The following TTC7B variants were observed in gnomAD, a reference collection of about 807,000 sequenced individuals.
The protein encoded by TTC7B is tetratricopeptide repeat protein 7B.
TTC7B carries 28 observed loss-of-function variants against 106.8 expected under a neutral mutation model. The ratio of observed to expected loss-of-function variants is 0.26; its 90% confidence interval spans 0.19 to 0.36. TTC7B has a LOEUF of 0.36. TTC7B is among the 10% of genes least tolerant of loss of function. TTC7B has a pLI of 1.00. For synonymous variants in TTC7B, 405 were observed against 430.6 expected, an observed-to-expected ratio of 0.94 and a Z score of 0.74; for missense variants, 862 against 1,076.4, an observed-to-expected ratio of 0.80 and a Z score of 2.79.
chr14:90,606,053 A>T (rs553257666), intron 17 of TTC7B, among the ~76,000 whole-genome samples: 3 of 152,372 alleles, frequency 2.0e-5, no homozygotes, highest in African/African-American at 7.2e-5. Context: ...ATACATCTTT[A>T]GCCTACAATA....
chr14:90,610,963 C>T, intron 16 of TTC7B, 124 bp from the exon 17 acceptor site: 1 of 736,622 alleles, frequency 1.4e-6, no homozygotes, highest in Non-Finnish European at 2.4e-6. Flanking sequence ...CGTTCTTCAG[C>T]ATCTTTCTTA....
At chr14:90,716,181 A>T (rs1437381324) in intron 5 of TTC7B, among the ~76,000 whole-genome samples, 1 of 152,190 alleles carries the variant, frequency 6.6e-6, no homozygotes, top group African/African-American at 2.4e-5. Flanking sequence ...CAGTGGGTGG[A>T]AAATCACTAA....
In TTC7B at chr14:90,763,979, A is replaced by C. The variant is rs1478266558; in HGVS notation, c.445+16759T>G. Among the ~76,000 whole-genome samples, 9 of 152,166 alleles carry C rather than the reference A, an allele frequency of 5.9e-5. No homozygotes were observed. In the East Asian group the frequency reaches 1.7e-3, roughly 29 times the overall value. ...TTACACTAATTTACAACCTGACCCTAAAATTTATATGAAATGTAAGCCAAA... is the reference window on the plus strand; with the variant it reads ...TTACACTAATTTACAACCTGACCCTCAAATTTATATGAAATGTAAGCCAAA... On this transcript the variant is annotated intron_variant, in intron 3 of 19. Transcript: ENST00000328459.
Position 90,638,275 on chromosome 14 carries a change from G to T in TTC7B, c.1751+5773C>A, listed in dbSNP as rs74081259. ...TACAGTAAGACAAGTTAAAAAAATG[G>T]AAAGATTAGAGAAAAAGAAACAATT... On this transcript the variant is annotated intron_variant, in intron 15 of 19. Coordinates refer to ENST00000328459, the MANE Select transcript of TTC7B (RefSeq NM_001010854.2). 4.0e-3 allele frequency among the ~76,000 whole-genome samples: 603 copies of T among 152,172 alleles called. 4 individuals are homozygous for T. Among genetic ancestry groups the T allele is most frequent in the African/African-American group, 0.014 (582 of 41,532 alleles).
intron 13 of TTC7B, among the ~76,000 whole-genome samples, chr14:90,647,749 T>C (rs756942353): frequency 9.9e-5 from 15 of 152,170 alleles, no homozygotes; most frequent in Non-Finnish European, 2.1e-4. Flanking sequence ...AAGTCATTTG[T>C]ATTTCAGCAT....
chr14:90,795,337 G>A (rs1221558125), intron 1 of TTC7B, among the ~76,000 whole-genome samples: 4 of 152,228 alleles, frequency 2.6e-5, no homozygotes, highest in African/African-American at 9.6e-5. Flanking sequence ...GAGCTTCCAG[G>A]TGCAACACAG....
Position 90,577,901 on chromosome 14 carries a change from T to A in TTC7B, c.2310+205A>T, listed in dbSNP as rs184574452. Among the ~76,000 whole-genome samples, 18 of 152,332 alleles carry A rather than the reference T, an allele frequency of 1.2e-4. 1 individual carries two copies. The East Asian group carries it at 2.9e-3, about 25-fold the overall frequency. Reference sequence around the variant, plus strand: ...GGATGTCGGGTAGGGCTGCTGAGGCTATACACAGCCAACTCTGGGGGTGCC... The same window carrying A: ...GGATGTCGGGTAGGGCTGCTGAGGCAATACACAGCCAACTCTGGGGGTGCC... On this transcript the variant is annotated intron_variant, in intron 19 of 19. Transcript: ENST00000328459. This position sits in a 1 kb window ranked among gnomAD's most constrained non-coding sequence, Gnocchi z 5.0.
At chr14:90,680,577 A>G in intron 7 of TTC7B, 42 bp from the exon 8 acceptor site, 1 of 1,441,220 alleles carries the variant, frequency 6.9e-7, no homozygotes, top group Non-Finnish European at 9.8e-7. Context: ...TGGCAGTTTC[A>G]AAATATACAA....
chr14:90,578,162 A>G lies in TTC7B; in HGVS notation c.2254T>C (p.Trp752Arg). 1.2e-6 allele frequency: 2 copies of G among 1,613,264 alleles called. No homozygotes were observed. Among genetic ancestry groups the G allele is most frequent in the Non-Finnish European group, 1.7e-6 (2 of 1,179,762 alleles). ...CTGATGGCTAAGGCCTCTTCATACC[A>G]CCGCCGCGCCTCGTCCATGCTTCCC... ...LRGSMDEARR[W>R]YEEALAISPT... The change falls in exon 19 of 20, where the codon TGG becomes CGG. Residue 752 changes from tryptophan (W) to arginine (R), a missense_variant. Coordinates refer to ENST00000328459, the MANE Select transcript of TTC7B (RefSeq NM_001010854.2). This position sits in a 1 kb window ranked among gnomAD's most constrained non-coding sequence, Gnocchi z 4.7.
Position 90,578,006 on chromosome 14 carries a change from T to A in TTC7B, c.2310+100A>T. 1 of 1,411,596 alleles carries A rather than the reference T, an allele frequency of 7.1e-7. No individual in the cohort carries two copies. Among genetic ancestry groups the A allele is most frequent in the Non-Finnish European group, 9.6e-7 (1 of 1,038,022 alleles). The allele number at this position is 1,411,596 out of a possible 1,614,324, so 87.4% of individuals were successfully genotyped here. On this transcript the variant is annotated intron_variant, in intron 19 of 19. Coordinates refer to ENST00000328459, the MANE Select transcript of TTC7B (RefSeq NM_001010854.2). This position sits in a 1 kb window ranked among gnomAD's most constrained non-coding sequence, Gnocchi z 4.7. ...CCTGGCAAGCTAACTGCATGGGGCC[T>A]TTGGAAGCAGAAGAGGGTGTGAGGG...
chr14:90,537,764 C>T lies in TTC7B; in HGVS notation c.*3604G>A, dbSNP rs1889454565. The T allele has an allele frequency of 6.6e-6, 1 of 152,236 alleles. No individual in the cohort carries two copies. Among genetic ancestry groups the T allele is most frequent in the Non-Finnish European group, 1.5e-5 (1 of 68,106 alleles). 9.4% of individuals were successfully genotyped at this position (152,236 alleles called of 1,614,324 possible). ...ACAGCAGCCCTGCCACTCCCTACAC[C>T]CCTTCCCTGGCTTCATCTTTCTCCA... is the stretch of plus-strand genomic sequence containing the variant. On this transcript the variant is annotated 3_prime_UTR_variant, in exon 20 of 20. Coordinates refer to ENST00000328459, the MANE Select transcript of TTC7B (RefSeq NM_001010854.2).
intron 19 of TTC7B, among the ~76,000 whole-genome samples, chr14:90,555,656 G>A (rs1890270652): frequency 6.6e-6 from 1 of 152,196 alleles, no homozygotes; most frequent in Admixed American, 6.5e-5. Flanking sequence ...TTGCCCTTGG[G>A]ATTAATGGTG....
chr14:90,801,335 A>C (rs1314747490), intron 1 of TTC7B, among the ~76,000 whole-genome samples: 1 of 151,726 alleles, frequency 6.6e-6, no homozygotes, highest in South Asian at 2.1e-4. Flanking sequence ...ACGCGAAACC[A>C]CTGACACTTG....
At position 90,543,166 on chromosome 14, in the gene TTC7B, G is replaced by T. The variant is rs148465723; in HGVS notation, c.2311-1577C>A. 1.1e-4 allele frequency among the ~76,000 whole-genome samples: 17 copies of T among 152,212 alleles called. No homozygotes were observed. The East Asian group carries it at 3.3e-3, about 29-fold the overall frequency. ...TTTCCCAGCTTATTATTTGACTTTT[G>T]AGATTCTTTTCTTTGAAAAGTTTTA... On this transcript the variant is annotated intron_variant, in intron 19 of 19. Transcript: ENST00000328459.
intron 3 of TTC7B, among the ~76,000 whole-genome samples, chr14:90,746,720 T>G (rs530498644): frequency 2.1e-4 from 32 of 152,370 alleles, no homozygotes; most frequent in African/African-American, 7.0e-4. Context: ...GTCAGCAATT[T>G]CTCCGTAAGG....
intron 3 of TTC7B, among the ~76,000 whole-genome samples, chr14:90,765,072 GATGA>G (rs1481740128): frequency 1.3e-5 from 2 of 152,176 alleles, no homozygotes; most frequent in African/African-American, 2.4e-5. Context: ...TCCACCAACT[GATGA>G]ATGGATTAAC....
intron 8 of TTC7B, among the ~76,000 whole-genome samples, 158 bp from the exon 9 acceptor site, chr14:90,676,818 A>G (rs1886860278): frequency 6.6e-6 from 1 of 152,102 alleles, no homozygotes; most frequent in South Asian, 2.1e-4. Context: ...TTTATTCAAA[A>G]TCCCCTGGGC....
At chr14:90,643,988 G>T in intron 15 of TTC7B, 60 bp downstream of exon 15, 11 of 1,592,850 alleles carry the variant, frequency 6.9e-6, no homozygotes, top group Admixed American at 1.7e-5. Flanking sequence ...AAGAAGGCAG[G>T]GGAAGAAGTA....
At chr14:90,713,264 C>G (rs1248773801) in intron 5 of TTC7B, among the ~76,000 whole-genome samples, 1 of 152,088 alleles carries the variant, frequency 6.6e-6, no homozygotes, top group African/African-American at 2.4e-5. Context: ...TACAAGTGCA[C>G]ACCACCATGC....
Sources: gnomAD v4.1 joint callset for allele counts (sites outside exome capture counted in the v4.1 genomes callset) on GRCh38, gnomAD v4.1.1 for gene constraint, Gnocchi (gnomAD v3.1) non-coding constraint, MANE v1.5 for transcripts, NCBI Gene and HGNC (gene_info 2026-07-23, HGNC 2026-07-21) for gene names.